The following EYS variants were observed in gnomAD, a reference collection of about 807,000 sequenced individuals.
EYS encodes the protein EGF-like photoreceptor maintenance factor, also known as protein eyes shut homolog.
Under a neutral mutation model 282.1 loss-of-function variants are expected in EYS, and 250 were observed. That is an observed-to-expected ratio of 0.89 (90% confidence interval 0.80 to 0.98). The LOEUF is 0.98. Among genes scored for constraint, EYS ranks in the 50% least tolerant of loss-of-function variants. EYS has a pLI of 0.00. For synonymous variants in EYS, 1,355 were observed against 1,282.9 expected (o/e 1.06, Z -1.20); for missense variants, 4,016 against 3,709.0 (o/e 1.08, Z -2.15).
chr6:64,198,290 A>C (rs1361231340), intron 31 of EYS, among the ~76,000 whole-genome samples: 1 of 151,720 alleles, frequency 6.6e-6, no homozygotes, highest in East Asian at 1.9e-4. Context: ...TACAGGTGTG[A>C]GCCACTGCAC....
At chr6:65,575,326 CTAAA>C (rs71002320) in intron 2 of EYS, among the ~76,000 whole-genome samples, 15,842 of 141,942 alleles carry the variant, frequency 0.11, 976 homozygotes, top group South Asian at 0.21. Context: ...GACTTCCTCT[CTAAA>C]TAAATAAATA....
chr6:65,337,693 C>T (rs959912707), intron 10 of EYS, among the ~76,000 whole-genome samples: 4 of 150,860 alleles, frequency 2.7e-5, no homozygotes, highest in African/African-American at 9.7e-5. Flanking sequence ...AGCTTATAAG[C>T]CGTATTCAAA....
At chr6:63,848,501 G>C (rs959669538) in intron 36 of EYS, among the ~76,000 whole-genome samples, 1 of 151,780 alleles carries the variant, frequency 6.6e-6, no homozygotes, top group Non-Finnish European at 1.5e-5. Context: ...ATCTCATTGG[G>C]ACTGGTTAGA....
At chr6:63,810,037 C>G (rs944428489) in intron 36 of EYS, among the ~76,000 whole-genome samples, 4 of 149,774 alleles carry the variant, frequency 2.7e-5, no homozygotes, top group African/African-American at 9.8e-5. Context: ...GTCAGGAGAT[C>G]CAGACCATAC....
At chr6:64,263,077 TG>T (rs1355647097) in intron 30 of EYS, among the ~76,000 whole-genome samples, 3 of 16,694 alleles carry the variant, frequency 1.8e-4, no homozygotes, top group Non-Finnish European at 5.3e-4. Flanking sequence ...TGTAAGGTGA[TG>T]ATAGTAAACG....
chr6:65,313,108 C>G (rs1348488648), intron 11 of EYS, among the ~76,000 whole-genome samples: 2 of 152,108 alleles, frequency 1.3e-5, no homozygotes, highest in Non-Finnish European at 2.9e-5. Context: ...CCCTACAAGT[C>G]TAGATGGCCC....
At chr6:65,100,277 T>C (rs1490709687) in intron 12 of EYS, among the ~76,000 whole-genome samples, 1 of 150,876 alleles carries the variant, frequency 6.6e-6, no homozygotes, top group Non-Finnish European at 1.5e-5. Context: ...GGTCAGGTTT[T>C]TGTCCTTAAT....
chr6:64,192,667 T>C (rs1356482054), intron 31 of EYS, among the ~76,000 whole-genome samples: 2 of 152,288 alleles, frequency 1.3e-5, no homozygotes, highest in African/African-American at 2.4e-5. Context: ...TTACACCTTA[T>C]ACAAAAATCA....
intron 35 of EYS, among the ~76,000 whole-genome samples, chr6:63,961,106 A>C (rs1182288428): frequency 1.3e-5 from 2 of 152,224 alleles, no homozygotes; most frequent in African/African-American, 4.8e-5. Context: ...AAAGAAATTT[A>C]TTGGTCAGAG....
At chr6:64,031,733 T>G (rs1382458825) in intron 33 of EYS, among the ~76,000 whole-genome samples, 1 of 151,964 alleles carries the variant, frequency 6.6e-6, no homozygotes, top group Non-Finnish European at 1.5e-5. Context: ...TTGGAGAACT[T>G]TTGTGTGGTG....
chr6:65,666,554 T>C (rs1768209368), intron 1 of EYS, among the ~76,000 whole-genome samples: 1 of 151,884 alleles, frequency 6.6e-6, no homozygotes, highest in Non-Finnish European at 1.5e-5. Context: ...AAATATTATG[T>C]GGTTGTACTA....
chr6:64,303,611 G>A (rs1349358983), intron 30 of EYS, among the ~76,000 whole-genome samples: 3 of 152,034 alleles, frequency 2.0e-5, no homozygotes, highest in Non-Finnish European at 2.9e-5. Context: ...GGGAGGCCGA[G>A]ACGGGCGGAT....
chr6:64,502,309 C>G (rs960097918), intron 26 of EYS, among the ~76,000 whole-genome samples: 3 of 151,978 alleles, frequency 2.0e-5, no homozygotes, highest in Admixed American at 6.6e-5. Context: ...GGCGCGATCT[C>G]GACTCACTGC....
chr6:63,812,190 T>C (rs924133817), intron 36 of EYS, among the ~76,000 whole-genome samples: 43 of 152,236 alleles, frequency 2.8e-4, no homozygotes, highest in Non-Finnish European at 2.4e-4. Context: ...TACTCGTTTC[T>C]TCTTTCTCAT....
intron 1 of EYS, among the ~76,000 whole-genome samples, chr6:65,703,590 T>C (rs990257661): frequency 1.3e-5 from 2 of 151,382 alleles, no homozygotes; most frequent in South Asian, 2.1e-4. Flanking sequence ...CATATAAAAA[T>C]TGAATTTATA....
chr6:64,118,036 T>A (rs1186686531), intron 31 of EYS, among the ~76,000 whole-genome samples: 3 of 151,174 alleles, frequency 2.0e-5, no homozygotes, highest in Non-Finnish European at 4.4e-5. Flanking sequence ...TGAAAAAAAA[T>A]GGAAGGGGAC....
intron 2 of EYS, among the ~76,000 whole-genome samples, chr6:65,628,296 A>T (rs1380809796): frequency 6.6e-6 from 1 of 152,062 alleles, no homozygotes; most frequent in East Asian, 1.9e-4. Flanking sequence ...GTATCTAACT[A>T]ATCTAATGGG....
chr6:65,365,059 C>A (rs1764864828), intron 8 of EYS, among the ~76,000 whole-genome samples: 1 of 151,574 alleles, frequency 6.6e-6, no homozygotes, highest in South Asian at 2.1e-4. Flanking sequence ...CATCCTAACT[C>A]TGAAGAGCAG....
At position 64,180,947 on chromosome 6, in the gene EYS, C is replaced by T. The variant is rs1764771338; in HGVS notation, c.6424+49645G>A. 2.6e-5 allele frequency among the ~76,000 whole-genome samples: 4 copies of T among 152,026 alleles called. No individual in the cohort carries two copies. The South Asian group carries it at 8.3e-4, about 31-fold the overall frequency. The stretch of plus-strand genomic sequence containing the variant: ...TACCTGATAGTTTTTCAGCCCTTGC[C>T]CCACTCTGCCTCTCCACTTATGGAG... On this transcript the variant is annotated intron_variant, in intron 31 of 42. Coordinates refer to ENST00000503581, the MANE Select transcript of EYS (RefSeq NM_001142800.2).
Sources: gnomAD v4.1 joint callset for allele counts (sites outside exome capture counted in the v4.1 genomes callset) on GRCh38, gnomAD v4.1.1 for gene constraint, MANE v1.5 for transcripts, NCBI Gene and HGNC (gene_info 2026-07-23, HGNC 2026-07-21) for gene names.